DPP6: variants seen among roughly 807,000 people sequenced by gnomAD.
DPP6 encodes A-type potassium channel modulatory protein DPP6.
DPP6 carries 69 observed loss-of-function variants against 122.6 expected under a neutral mutation model. That is an observed-to-expected ratio of 0.56 (90% CI 0.46 to 0.69). The LOEUF (loss-of-function observed/expected upper bound fraction) is 0.69. DPP6 is among the 30% of genes least tolerant of loss of function. The pLI is 0.00. For missense variants in DPP6, 928 were observed against 1,116.9 expected (o/e 0.83, Z 2.41); for synonymous variants, 418 against 433.1 (o/e 0.97, Z 0.43).
the DPP6 span, among the ~76,000 whole-genome samples, chr7:153,843,060 ACGAG>A: frequency 6.7e-6 from 1 of 149,296 alleles, no homozygotes; most frequent in African/African-American, 2.5e-5. Flanking sequence ...GAGTGCATAC[ACGAG>A]TGCATACACA....
chr7:154,572,571 C>T (rs1332436703), intron 5 of DPP6, among the ~76,000 whole-genome samples: 2 of 125,472 alleles, frequency 1.6e-5, no homozygotes, highest in Non-Finnish European at 3.1e-5. Flanking sequence ...GGCTGGAGTG[C>T]AGTGGCGTGA....
chr7:154,610,707 CTGTGTGTGTGTGTG>C (rs10525265), intron 5 of DPP6, among the ~76,000 whole-genome samples: 10,435 of 122,012 alleles, frequency 0.086, 372 homozygotes, highest in South Asian at 0.094. Context: ...GTGTTGTTCT[CTGTGTGTGTGTGTG>C]TGTGTGTGTG....
chr7:154,131,341 C>A (rs1442860594), intron 1 of DPP6, among the ~76,000 whole-genome samples: 2 of 152,184 alleles, frequency 1.3e-5, no homozygotes, highest in African/African-American at 4.8e-5. Flanking sequence ...TGACTGATAA[C>A]ATGCTGGACC....
intron 1 of DPP6, among the ~76,000 whole-genome samples, chr7:153,910,234 C>CTTTTTTCTTTTTTTTTTTTTTT (rs750065238): frequency 1.6e-4 from 22 of 137,740 alleles, no homozygotes; most frequent in African/African-American, 4.6e-4. Flanking sequence ...TTCTTTCTTT[C>CTTTTTTCTTTTTTTTTTTTTTT]TTTTTTTTTT....
At chr7:154,614,367 A>G (rs1009128167) in intron 5 of DPP6, among the ~76,000 whole-genome samples, 1 of 152,220 alleles carries the variant, frequency 6.6e-6, no homozygotes, top group East Asian at 1.9e-4. Flanking sequence ...AGAAAGAGGA[A>G]GGAAAGGTGT....
At chr7:154,393,941 C>A (rs1000712441) in intron 1 of DPP6, among the ~76,000 whole-genome samples, 1 of 152,136 alleles carries the variant, frequency 6.6e-6, no homozygotes, top group African/African-American at 2.4e-5. Flanking sequence ...AATATAAGTC[C>A]TCAAGGTGCC....
chr7:154,750,365 G>A (rs1843315582), intron 8 of DPP6, among the ~76,000 whole-genome samples: 1 of 152,208 alleles, frequency 6.6e-6, no homozygotes, highest in Non-Finnish European at 1.5e-5. Flanking sequence ...GCACCGTGAG[G>A]GCCGCCTGTG....
At chr7:154,804,085 A>C in intron 14 of DPP6, 130 bp downstream of exon 14, 1 of 1,133,248 alleles carries the variant, frequency 8.8e-7, no homozygotes, top group Non-Finnish European at 1.3e-6. Flanking sequence ...AGCATCACTG[A>C]CTCCTAGTTT....
rs555492761 is a variant in DPP6, at chr7:154,060,518, C to T, written c.243+7455C>T. ...AGATCCTTAGGACCCACCTGGAGGA[C>T]TGCGGGTGTTAGGTGTCCAAGTAGA... On this transcript the variant is annotated intron_variant, in intron 1 of 25. Transcript: ENST00000377770. Among the ~76,000 whole-genome samples the T allele has an allele frequency of 9.3e-5, 13 of 139,080 alleles. 1 individual carries two copies. In the East Asian group the frequency reaches 1.7e-3, roughly 18 times the overall value. 91.2% of individuals were successfully genotyped at this position (139,080 alleles called of 152,430 possible). A position where few individuals can be genotyped will look rare whatever the true frequency, so the allele number is the denominator to read the frequency against.
chr7:154,323,070 A>C (rs1024691342), intron 1 of DPP6, among the ~76,000 whole-genome samples: 1 of 152,194 alleles, frequency 6.6e-6, no homozygotes, highest in African/African-American at 2.4e-5. Flanking sequence ...TGTTCAAAAA[A>C]AAAAATAAAT....
At chr7:154,623,645 G>GCGCACACACACGCA (rs1448012410) in intron 5 of DPP6, among the ~76,000 whole-genome samples, 2 of 62,834 alleles carry the variant, frequency 3.2e-5, no homozygotes, top group Admixed American at 2.9e-4. Flanking sequence ...GCACACACGC[G>GCGCACACACACGCA]CACACACGCG....
intron 1 of DPP6, among the ~76,000 whole-genome samples, chr7:154,100,564 C>T (rs373306379): frequency 0.072 from 5,809 of 80,190 alleles, 1,542 homozygotes; most frequent in African/African-American, 0.31. Flanking sequence ...TCTCCTCCCT[C>T]CCCTCCTTTA....
At chr7:154,139,679 C>T (rs1585465842) in intron 1 of DPP6, among the ~76,000 whole-genome samples, 1 of 151,718 alleles carries the variant, frequency 6.6e-6, no homozygotes, top group East Asian at 2.0e-4. Flanking sequence ...TCCCTCATAG[C>T]CTAAGAAGTC....
At chr7:154,827,731 G>T (rs1238532057) in intron 16 of DPP6, among the ~76,000 whole-genome samples, 1 of 129,958 alleles carries the variant, frequency 7.7e-6, no homozygotes, top group East Asian at 2.6e-4. Flanking sequence ...CTGGCGGGGG[G>T]GGGGTGGTGT....
chr7:154,241,185 A>ATGCGCG lies in DPP6; in HGVS notation c.243+188124_243+188125insCGCGTG, dbSNP rs34454400. On this transcript the variant is annotated intron_variant, in intron 1 of 25. Transcript: ENST00000377770. The surrounding 1 kb of genome is among the most constrained non-coding windows in gnomAD (Gnocchi z 9.0). Reference sequence around the variant, plus strand: ...GCACAGTAGGTAATTCAATATCAATATGTGTGTGTGTGTGTGTGTGTGTGT... The same window carrying ATGCGCG: ...GCACAGTAGGTAATTCAATATCAATATGCGCGTGTGTGTGTGTGTGTGTGTGTGTGT... Among the ~76,000 whole-genome samples, 1 of 136,212 alleles carries ATGCGCG rather than the reference A, an allele frequency of 7.3e-6. No individual in the cohort carries two copies. Among genetic ancestry groups the ATGCGCG allele is most frequent in the African/African-American group, 2.8e-5 (1 of 35,690 alleles). 89.4% of individuals were successfully genotyped at this position (136,212 alleles called of 152,430 possible).
At chr7:154,197,495 C>T (rs778157635) in intron 1 of DPP6, among the ~76,000 whole-genome samples, 50 of 152,156 alleles carry the variant, frequency 3.3e-4, no homozygotes, top group South Asian at 6.2e-4. Context: ...TCGGAACACC[C>T]GGTCATCAGA....
chr7:154,647,464 G>A (rs1836557455), intron 6 of DPP6, among the ~76,000 whole-genome samples: 1 of 152,126 alleles, frequency 6.6e-6, no homozygotes, highest in African/African-American at 2.4e-5. Flanking sequence ...TTTACTTAAT[G>A]ATATTCAGTA....
chr7:154,359,667 CAAA>C (rs1011079590), intron 1 of DPP6, among the ~76,000 whole-genome samples: 5 of 151,982 alleles, frequency 3.3e-5, no homozygotes, highest in Non-Finnish European at 7.4e-5. Context: ...GGTGAGCCCT[CAAA>C]AGTATTTATG....
At chr7:153,748,919 A>G in the DPP6 span, among the ~76,000 whole-genome samples, 27 of 151,302 alleles carry the variant, frequency 1.8e-4, 1 homozygote, top group Middle Eastern at 3.4e-3. Context: ...TTGAAGGTAG[A>G]GAATCTGGGC....
Sources: gnomAD v4.1 joint callset for allele counts (sites outside exome capture counted in the v4.1 genomes callset) on GRCh38, gnomAD v4.1.1 for gene constraint, Gnocchi (gnomAD v3.1) non-coding constraint, MANE v1.5 for transcripts, NCBI Gene and HGNC (gene_info 2026-07-23, HGNC 2026-07-21) for gene names.